Variants in DGKI observed in about 807,000 individuals in gnomAD.
The protein encoded by DGKI is diacylglycerol kinase iota.
Under a neutral mutation model 147.5 loss-of-function variants are expected in DGKI, and 55 were observed. The observed-to-expected ratio is 0.37, with a 90% CI of 0.30 to 0.47. The LOEUF (loss-of-function observed/expected upper bound fraction) is 0.47. DGKI is among the 20% of genes least tolerant of loss of function. The pLI, the probability that DGKI is intolerant of heterozygous loss-of-function variation, is 1.00. For missense variants in DGKI, 1,007 were observed against 1,323.8 expected (o/e 0.76, Z 3.71); for synonymous variants, 469 against 477.1 (o/e 0.98, Z 0.22).
intron 1 of DGKI, among the ~76,000 whole-genome samples, chr7:137,773,671 C>T (rs1195139168): frequency 6.6e-6 from 1 of 152,066 alleles, no homozygotes; most frequent in African/African-American, 2.4e-5. Context: ...GAAGGAGAAT[C>T]CAAGGCCTAG....
rs1379815487 is a variant in DGKI at position 137,794,089 on chromosome 7, A to G, written c.401+52373T>C. Among the ~76,000 whole-genome samples, 9 of 152,324 alleles carry G rather than the reference A, an allele frequency of 5.9e-5. No individual in the cohort carries two copies. In the South Asian group the frequency reaches 1.7e-3, roughly 28 times the overall value. ...TGAAATCCAGTCACTGAGGATACAT[A>G]TATAAGCAAGACATAATGCATGTCC... On this transcript the variant is annotated intron_variant, in intron 1 of 32. Coordinates refer to ENST00000614521, the MANE Select transcript of DGKI (RefSeq NM_001321708.2).
rs1811346938 is a variant in DGKI, at chr7:137,391,162, T to C, written c.*58A>G. 4 of 1,293,498 alleles carry C rather than the reference T, an allele frequency of 3.1e-6. No individual in the cohort carries two copies. The highest frequency in any genetic ancestry group is 4.5e-6 in the Non-Finnish European group (4 of 889,092). The allele number at this position is 1,293,498 out of a possible 1,614,324, so 80.1% of individuals were successfully genotyped here. A position where few individuals can be genotyped will look rare whatever the true frequency, so the allele number is the denominator to read the frequency against. Reference sequence around the variant, plus strand: ...AGCTTCTTCCAGGGGAGCTGCCCAATTGCAGGGAGGGCAGATGTGATACGC... The same window carrying C: ...AGCTTCTTCCAGGGGAGCTGCCCAACTGCAGGGAGGGCAGATGTGATACGC... On this transcript the variant is annotated 3_prime_UTR_variant, in exon 33 of 33. Transcript: ENST00000614521.
At chr7:137,603,838 C>T (rs542021575) in intron 10 of DGKI, among the ~76,000 whole-genome samples, 1 of 152,324 alleles carries the variant, frequency 6.6e-6, no homozygotes, top group South Asian at 2.1e-4. Flanking sequence ...GTTCACTTTT[C>T]TGAACCATGA....
At chr7:137,774,730 T>C (rs1796313099) in intron 1 of DGKI, 1 of 152,276 alleles carries the variant, frequency 6.6e-6, no homozygotes, top group Non-Finnish European at 1.5e-5. Context: ...TAGCGACACA[T>C]GGCCCACCAG....
At chr7:137,590,816 G>A (rs1055594091) in intron 12 of DGKI, among the ~76,000 whole-genome samples, 4 of 152,068 alleles carry the variant, frequency 2.6e-5, no homozygotes, top group South Asian at 2.1e-4. Context: ...CCTCCGCCAC[G>A]CGAGCAGCTG....
At chr7:137,509,444 G>A (rs928894597) in intron 21 of DGKI, among the ~76,000 whole-genome samples, 28 of 152,276 alleles carry the variant, frequency 1.8e-4, no homozygotes, top group African/African-American at 6.7e-4. Context: ...CTCCTCTGTG[G>A]CCAGTTGGAT....
chr7:137,646,597 C>T (rs560178583), intron 5 of DGKI, among the ~76,000 whole-genome samples: 12 of 152,286 alleles, frequency 7.9e-5, no homozygotes, highest in African/African-American at 2.9e-4. Flanking sequence ...AACAATTCAT[C>T]CCTCTGACAC....
intron 21 of DGKI, among the ~76,000 whole-genome samples, chr7:137,508,865 G>A (rs926815135): frequency 7.2e-5 from 11 of 152,104 alleles, no homozygotes; most frequent in Admixed American, 7.2e-4. Context: ...ACTGTTCTGA[G>A]TTTGCTATGG....
chr7:137,663,233 A>G (rs1453169393), intron 3 of DGKI, among the ~76,000 whole-genome samples: 4 of 152,216 alleles, frequency 2.6e-5, no homozygotes, highest in African/African-American at 9.6e-5. Context: ...AAGAGCTGGC[A>G]AGCTACTTGA....
chr7:137,815,744 A>G (rs1350535816), intron 1 of DGKI, among the ~76,000 whole-genome samples: 1 of 152,178 alleles, frequency 6.6e-6, no homozygotes, highest in Non-Finnish European at 1.5e-5. Flanking sequence ...TTGAAAATAT[A>G]AAATACTGTA....
intron 12 of DGKI, among the ~76,000 whole-genome samples, chr7:137,587,745 G>C (rs932312187): frequency 6.6e-6 from 1 of 152,124 alleles, no homozygotes; most frequent in Non-Finnish European, 1.5e-5. Flanking sequence ...TTATTAAATG[G>C]TTGCCCTCTA....
chr7:137,734,257 G>C (rs1437486376), intron 1 of DGKI, among the ~76,000 whole-genome samples: 22 of 152,062 alleles, frequency 1.4e-4, no homozygotes, highest in Non-Finnish European at 2.9e-5. Context: ...TGGGAGCAGG[G>C]AGATCAGGGA....
chr7:137,636,317 A>G (rs1308484955), intron 6 of DGKI, among the ~76,000 whole-genome samples: 2 of 152,176 alleles, frequency 1.3e-5, no homozygotes, highest in African/African-American at 4.8e-5. Context: ...AGAGATGATG[A>G]ATATCAGTAG....
At chr7:137,666,367 C>T (rs1467637122) in intron 3 of DGKI, among the ~76,000 whole-genome samples, 1 of 152,180 alleles carries the variant, frequency 6.6e-6, no homozygotes, top group Non-Finnish European at 1.5e-5. Context: ...CACATCGCCA[C>T]ATTCCAACCT....
intron 20 of DGKI, among the ~76,000 whole-genome samples, chr7:137,525,454 T>C (rs1032689009): frequency 6.6e-6 from 1 of 152,122 alleles, no homozygotes; most frequent in Non-Finnish European, 1.5e-5. Context: ...TGGTAAACCT[T>C]CTCGAATCAT....
At chr7:137,820,758 A>G (rs887797505) in intron 1 of DGKI, among the ~76,000 whole-genome samples, 12 of 152,086 alleles carry the variant, frequency 7.9e-5, no homozygotes, top group African/African-American at 2.7e-4. Flanking sequence ...AAAGCCAGCC[A>G]GAAAAGGCAG....
intron 1 of DGKI, among the ~76,000 whole-genome samples, chr7:137,801,508 T>C (rs79020676): frequency 0.043 from 6,498 of 152,294 alleles, 191 homozygotes; most frequent in Admixed American, 0.091. Flanking sequence ...TCTAACCATG[T>C]GATTTTGAAA....
chr7:137,587,026 T>C, intron 13 of DGKI, 71 bp downstream of exon 13: 1 of 1,142,988 alleles, frequency 8.7e-7, no homozygotes. Context: ...CCTCTTCCAT[T>C]AGAACATCAG....
chr7:137,477,827 T>G lies in DGKI; in HGVS notation c.2373+7547A>C, dbSNP rs371040779. 2.0e-4 allele frequency among the ~76,000 whole-genome samples: 31 copies of G among 152,148 alleles called. 1 individual carries two copies. The highest frequency in any genetic ancestry group is 7.5e-4 in the African/African-American group (31 of 41,508). ...ACATGCTACAGCGCCCGGCTAATTT[T>G]GGGGTTGTTTTTTTGTACAGACGGG... On this transcript the variant is annotated intron_variant, in intron 23 of 32. Transcript: ENST00000614521.
Sources: allele counts gnomAD v4.1 joint callset (sites outside exome capture counted in the v4.1 genomes callset), GRCh38; gene constraint gnomAD v4.1.1; transcripts MANE v1.5; gene names NCBI Gene and HGNC (gene_info 2026-07-23, HGNC 2026-07-21).